The following ETFA variants were observed in gnomAD, a reference collection of about 807,000 sequenced individuals.
ETFA encodes the protein electron transfer flavoprotein subunit alpha, also known as electron transfer flavoprotein subunit alpha, mitochondrial.
In ETFA, 22 loss-of-function variants were observed where a neutral mutation model predicts 46.2. That is an observed-to-expected ratio of 0.48 (90% CI 0.34 to 0.68). The LOEUF is 0.68. Ranked by LOEUF, ETFA falls within the 30% of genes least tolerant of loss-of-function variation. ETFA has a pLI of 0.01. For missense variants in ETFA, 345 were observed against 401.1 expected (o/e 0.86, Z 1.19); for synonymous variants, 131 against 139.9 (o/e 0.94, Z 0.45).
At chr15:76,259,808 A>G (rs1227696078) in intron 9 of ETFA, 3 of 1,602,206 alleles carry the variant, frequency 1.9e-6, no homozygotes, top group African/African-American at 2.7e-5. Context: ...AATGTCCACC[A>G]TGAACCGGAT....
chr15:76,264,129 G>A (rs892411486), intron 9 of ETFA, among the ~76,000 whole-genome samples: 1 of 152,216 alleles, frequency 6.6e-6, no homozygotes, highest in Non-Finnish European at 1.5e-5. Flanking sequence ...AAGTTTTAAA[G>A]GAATTTAAGC....
At chr15:76,244,502 T>C (rs2039225971) in intron 9 of ETFA, among the ~76,000 whole-genome samples, 1 of 152,226 alleles carries the variant, frequency 6.6e-6, no homozygotes. Context: ...TCAGTGCTTG[T>C]ATCTTTGGCC....
At chr15:76,263,717 T>C (rs761629852) in intron 9 of ETFA, among the ~76,000 whole-genome samples, 1 of 152,108 alleles carries the variant, frequency 6.6e-6, no homozygotes, top group Non-Finnish European at 1.5e-5. Flanking sequence ...GTGTGGGCAC[T>C]AATAAAGGTA....
At chr15:76,311,158 G>A (rs1021427677) in intron 1 of ETFA, among the ~76,000 whole-genome samples, 192 bp downstream of exon 1, 3 of 152,214 alleles carry the variant, frequency 2.0e-5, no homozygotes, top group Non-Finnish European at 2.9e-5. Context: ...TCTGACTTCT[G>A]CCCCGAACTG....
chr15:76,264,111 T>C (rs2039447026), intron 9 of ETFA, among the ~76,000 whole-genome samples: 1 of 152,270 alleles, frequency 6.6e-6, no homozygotes, highest in Admixed American at 6.5e-5. Context: ...TGGGCCACTC[T>C]TCCTTTTAAG....
chr15:76,300,019 T>G (rs1016444207), intron 1 of ETFA, among the ~76,000 whole-genome samples: 1 of 152,188 alleles, frequency 6.6e-6, no homozygotes, highest in Non-Finnish European at 1.5e-5. Context: ...CTCAATTACT[T>G]GCATCTGGTT....
intron 9 of ETFA, among the ~76,000 whole-genome samples, chr15:76,244,514 T>C (rs113269539): frequency 9.0e-4 from 137 of 152,304 alleles, no homozygotes; most frequent in African/African-American, 3.2e-3. Context: ...TCTTTGGCCT[T>C]GAGGTGAACA....
intron 1 of ETFA, among the ~76,000 whole-genome samples, chr15:76,304,171 A>T (rs2039912366): frequency 6.6e-6 from 1 of 152,094 alleles, no homozygotes; most frequent in African/African-American, 2.4e-5. Flanking sequence ...CATTATCCTA[A>T]GTGAATTAAT....
intron 9 of ETFA, among the ~76,000 whole-genome samples, chr15:76,267,483 T>C (rs2039481721): frequency 6.6e-6 from 1 of 152,192 alleles, no homozygotes. Context: ...TATTTCCATT[T>C]CTATAATTAA....
chr15:76,265,327 G>C (rs945118309), intron 9 of ETFA, among the ~76,000 whole-genome samples: 2 of 152,174 alleles, frequency 1.3e-5, no homozygotes, highest in Non-Finnish European at 2.9e-5. Flanking sequence ...CTCCCCAAGA[G>C]AATGAATTGC....
At chr15:76,245,022 A>G (rs2039231398) in intron 9 of ETFA, among the ~76,000 whole-genome samples, 1 of 152,242 alleles carries the variant, frequency 6.6e-6, no homozygotes, top group Non-Finnish European at 1.5e-5. Flanking sequence ...AAGACAAACC[A>G]AAGATATAAT....
chr15:76,241,583 G>A (rs1398541557), intron 9 of ETFA, among the ~76,000 whole-genome samples: 1 of 151,682 alleles, frequency 6.6e-6, no homozygotes, highest in South Asian at 2.1e-4. Flanking sequence ...GGCGGATCAC[G>A]AGGTCAGGAG....
chr15:76,251,884 C>T (rs1402332667), intron 9 of ETFA, among the ~76,000 whole-genome samples: 3 of 152,160 alleles, frequency 2.0e-5, no homozygotes, highest in Non-Finnish European at 4.4e-5. Context: ...TTATTAAAAA[C>T]GCAGTCCTAT....
intron 11 of ETFA, among the ~76,000 whole-genome samples, chr15:76,219,566 A>T (rs2142103254): frequency 6.6e-6 from 1 of 152,388 alleles, no homozygotes. Flanking sequence ...AAACGTTTGG[A>T]AATCATATCT....
intron 1 of ETFA, among the ~76,000 whole-genome samples, chr15:76,297,717 A>G (rs2039839354): frequency 6.6e-6 from 1 of 152,224 alleles, no homozygotes; most frequent in South Asian, 2.1e-4. Context: ...ATAAGCATAA[A>G]CAACAAAAGA....
chr15:76,234,744 T>C (rs78538242), intron 9 of ETFA, among the ~76,000 whole-genome samples: 6,286 of 152,182 alleles, frequency 0.041, 402 homozygotes, highest in African/African-American at 0.14. Flanking sequence ...ATAGGGGCTG[T>C]GCGGAGAAGT....
rs146788291 is a variant in ETFA, at chr15:76,253,339, G to T, written c.816+21073C>A. Among the ~76,000 whole-genome samples the T allele has an allele frequency of 8.4e-3, 1,274 of 152,216 alleles. 9 individuals are homozygous for T. The highest frequency in any genetic ancestry group is 0.014 in the Non-Finnish European group (978 of 68,018). On this transcript the variant is annotated intron_variant, in intron 9 of 11. Coordinates refer to ENST00000557943, the MANE Select transcript of ETFA (RefSeq NM_000126.4). ...TAACAAAATTCACGGCATCCTTTGA[G>T]TATTACATATTTTTTTCAAATTAAT...
chr15:76,259,633 G>T (rs1419537245), intron 9 of ETFA: 12 of 882,706 alleles, frequency 1.4e-5, no homozygotes, highest in Non-Finnish European at 2.3e-5. Flanking sequence ...CACTTGACGG[G>T]CAATTTGGAG....
intron 9 of ETFA, among the ~76,000 whole-genome samples, chr15:76,266,917 T>A (rs1456300081): frequency 1.3e-5 from 2 of 148,288 alleles, no homozygotes; most frequent in Non-Finnish European, 3.0e-5. Flanking sequence ...AAAAAAAAAA[T>A]TCAAATTTGA....
Sources: allele counts gnomAD v4.1 joint callset (sites outside exome capture counted in the v4.1 genomes callset), GRCh38; gene constraint gnomAD v4.1.1; transcripts MANE v1.5; gene names NCBI Gene and HGNC (gene_info 2026-07-23, HGNC 2026-07-21).